The following DMD variants were observed in gnomAD, a reference collection of about 807,000 sequenced individuals.
The protein encoded by DMD is mutant dystrophin.
A neutral mutation model predicts 330.1 loss-of-function variants in DMD; 63 were observed. That is an observed-to-expected ratio of 0.19 (90% CI 0.16 to 0.24). The LOEUF (loss-of-function observed/expected upper bound fraction) is 0.24, where lower values mean the gene tolerates loss of function less well. Ranked by LOEUF, DMD falls within the 10% of genes least tolerant of loss-of-function variation. The probability of loss-of-function intolerance (pLI) is 1.00; values close to 1 mark genes in which losing one functional copy is unlikely to be tolerated. For missense variants in DMD, 3,344 were observed against 2,684.1 expected, an observed-to-expected ratio of 1.25 and a Z score of -5.43; for synonymous variants, 1,223 against 959.8, an observed-to-expected ratio of 1.27 and a Z score of -5.07.
intron 44 of DMD, among the ~76,000 whole-genome samples, chrX:32,097,099 AAATTTT>A (rs2096512759): frequency 9.0e-6 from 1 of 111,271 alleles, no homozygotes; most frequent in Admixed American, 9.6e-5. Flanking sequence ...AAAGTTTTTT[AAATTTT>A]AAGTTCTGGG....
chrX:31,758,884 A>G (rs2089346569), intron 51 of DMD, among the ~76,000 whole-genome samples: 1 of 112,246 alleles, frequency 8.9e-6, no homozygotes, highest in South Asian at 3.6e-4. Flanking sequence ...CATCAAAGGG[A>G]ATTTCTTAAA....
At chrX:31,899,034 A>G (rs1282752442) in intron 47 of DMD, among the ~76,000 whole-genome samples, 1 of 112,272 alleles carries the variant, frequency 8.9e-6, no homozygotes, top group African/African-American at 3.2e-5. Flanking sequence ...CACCAAAGGT[A>G]AAGTGAAAAT....
chrX:32,775,600 T>C (rs1201340836), intron 7 of DMD, among the ~76,000 whole-genome samples: 2 of 113,133 alleles, frequency 1.8e-5, no homozygotes, highest in Non-Finnish European at 3.7e-5. Context: ...TGGCCCCTTT[T>C]AGCCAAGGCT....
chrX:32,599,189 GTGAATATAAC>G (rs1433335364), intron 12 of DMD, among the ~76,000 whole-genome samples: 26 of 111,941 alleles, frequency 2.3e-4, no homozygotes, highest in Non-Finnish European at 4.1e-4. Flanking sequence ...ATAAATATTA[GTGAATATAAC>G]TGTATTAGCT....
At chrX:32,724,871 G>A (rs1476145672) in intron 7 of DMD, among the ~76,000 whole-genome samples, 2 of 111,536 alleles carry the variant, frequency 1.8e-5, no homozygotes, top group African/African-American at 6.5e-5. Context: ...TTAATTATTT[G>A]CATGATCTTT....
At position 32,334,365 on chromosome X, in the gene DMD, C is replaced by A. The variant is rs772099016; in HGVS notation, c.5922+7735G>T. 2.7e-5 allele frequency among the ~76,000 whole-genome samples: 3 copies of A among 111,723 alleles called. No individual in the cohort carries two copies. The East Asian group carries it at 8.4e-4, about 31-fold the overall frequency. On this transcript the variant is annotated intron_variant, in intron 41 of 78. Coordinates refer to ENST00000357033, the MANE Select transcript of DMD (RefSeq NM_004006.3). ...AAAATCATTTATCTTCCCAAATTCT[C>A]CAAGGATGTTGCACTGGCAGCTGAC...
chrX:32,368,153 T>C (rs938409726), intron 34 of DMD, among the ~76,000 whole-genome samples: 1 of 111,832 alleles, frequency 8.9e-6, no homozygotes, highest in African/African-American at 3.2e-5. Context: ...GAAATACTAA[T>C]TGACCAATGT....
At chrX:31,605,330 C>T (rs1415115686) in intron 55 of DMD, among the ~76,000 whole-genome samples, 3 of 112,071 alleles carry the variant, frequency 2.7e-5, no homozygotes, top group African/African-American at 6.5e-5. Flanking sequence ...AACTTGAAGA[C>T]ACAGACTGAA....
At chrX:33,185,010 C>T (rs1447327181) in intron 1 of DMD, among the ~76,000 whole-genome samples, 3 of 110,389 alleles carry the variant, frequency 2.7e-5, no homozygotes, top group East Asian at 5.7e-4. Flanking sequence ...ATGTGAGCCA[C>T]CGCGCCCGGC....
At chrX:32,117,135 A>C (rs1245115546) in intron 44 of DMD, among the ~76,000 whole-genome samples, 1 of 111,096 alleles carries the variant, frequency 9.0e-6, no homozygotes, top group Non-Finnish European at 1.9e-5. Flanking sequence ...TTTATTGATC[A>C]CAGCACCAGT....
intron 74 of DMD, among the ~76,000 whole-genome samples, chrX:31,162,743 G>C (rs2038989233): frequency 8.9e-6 from 1 of 111,844 alleles, no homozygotes; most frequent in South Asian, 3.8e-4. Context: ...GTTAAAAAGA[G>C]AGATAATTAG....
In DMD at chrX:33,211,358, AG is replaced by A; in HGVS notation, c.-47del. On this transcript the variant is annotated 5_prime_UTR_variant, in exon 1 of 79. Transcript: ENST00000357033. ...GCAGCGATAAAAAAAACCTGGTAAAAGTTCTTCAAACTTTATTGCTCCAGTA... is the reference window on the plus strand; with the variant it reads ...GCAGCGATAAAAAAAACCTGGTAAAATTCTTCAAACTTTATTGCTCCAGTA... 1 of 1,199,848 alleles carries A rather than the reference AG, an allele frequency of 8.3e-7. No individual in the cohort carries two copies. Among genetic ancestry groups the A allele is most frequent in the East Asian group, 3.0e-5 (1 of 33,482 alleles).
chrX:32,972,185 T>C (rs970346156), intron 2 of DMD, among the ~76,000 whole-genome samples: 1 of 111,164 alleles, frequency 9.0e-6, no homozygotes, highest in Admixed American at 9.6e-5. Flanking sequence ...ATAATTTTTT[T>C]GGTTTTTTTT....
intron 62 of DMD, among the ~76,000 whole-genome samples, chrX:31,281,997 C>G (rs1352293221): frequency 2.7e-5 from 3 of 109,991 alleles, no homozygotes; most frequent in Non-Finnish European, 5.7e-5. Context: ...TTGTGAGAGT[C>G]ATGCGACAGC....
chrX:32,879,021 A>AAAAAAAAAAAAAAAAAAAC (rs1352069437), intron 2 of DMD, among the ~76,000 whole-genome samples: 4 of 101,778 alleles, frequency 3.9e-5, no homozygotes, highest in East Asian at 3.2e-4. Context: ...AAAAAAACAA[A>AAAAAAAAAAAAAAAAAAAC]AAACAAAAAA....
intron 27 of DMD, among the ~76,000 whole-genome samples, chrX:32,441,880 T>A (rs901013011): frequency 3.6e-5 from 4 of 111,510 alleles, no homozygotes; most frequent in African/African-American, 1.3e-4. Context: ...TTTAGTTTTG[T>A]TTGCTATTAT....
intron 1 of DMD, among the ~76,000 whole-genome samples, chrX:33,158,701 A>G (rs1349321137): frequency 9.0e-6 from 1 of 111,692 alleles, no homozygotes; most frequent in Non-Finnish European, 1.9e-5. Flanking sequence ...CCAAAGCAGC[A>G]TAACCTAGCA....
rs139062361 is a variant in DMD, at chrX:32,740,220, C to T, written c.650-40927G>A. Among the ~76,000 whole-genome samples the T allele has an allele frequency of 7.3e-5, 8 of 110,273 alleles. No homozygotes were observed. In the East Asian group the frequency reaches 1.2e-3, roughly 16 times the overall value. ...TTCAGCTGAGTACAATGAGTTGAGA[C>T]GCCTACCAATCTATAGTGACATGAA... On this transcript the variant is annotated intron_variant, in intron 7 of 78. Transcript: ENST00000357033.
chrX:32,693,973 A>G (rs1363293594), intron 9 of DMD, among the ~76,000 whole-genome samples: 2 of 112,055 alleles, frequency 1.8e-5, no homozygotes, highest in African/African-American at 6.5e-5. Flanking sequence ...TAACTGCTAT[A>G]TATTAGGATT....
Sources: gnomAD v4.1 joint callset for allele counts (sites outside exome capture counted in the v4.1 genomes callset) on GRCh38, gnomAD v4.1.1 for gene constraint, MANE v1.5 for transcripts, NCBI Gene and HGNC (gene_info 2026-07-23, HGNC 2026-07-21) for gene names.